STX8: variants seen among roughly 807,000 people sequenced by gnomAD.
STX8 encodes the protein syntaxin 8.
In STX8, 23 loss-of-function variants were observed where a neutral mutation model predicts 37.5. That is an observed-to-expected ratio of 0.61 (90% CI 0.44 to 0.87). The LOEUF (loss-of-function observed/expected upper bound fraction) is 0.87, where lower values mean the gene tolerates loss of function less well. STX8 is among the 40% of genes least tolerant of loss of function. The pLI, the probability that STX8 is intolerant of heterozygous loss-of-function variation, is 0.00. For synonymous variants in STX8, 115 were observed against 99.1 expected (o/e 1.16, Z -0.95); for missense variants, 313 against 284.7 (o/e 1.10, Z -0.71).
intron 6 of STX8, among the ~76,000 whole-genome samples, chr17:9,402,297 T>A (rs1912653192): frequency 6.6e-6 from 1 of 152,094 alleles, no homozygotes; most frequent in Admixed American, 6.5e-5. Context: ...TTTTTTGTAT[T>A]TTTAGTAGAG....
rs35723779 is a variant in STX8, at chr17:9,436,182, C to CA, written c.541+55646dup. On this transcript the variant is annotated intron_variant, in intron 6 of 7. Transcript: ENST00000306357. The stretch of plus-strand genomic sequence containing the variant: ...TGAAACCCCGTCTCTACTAAAAATA[C>CA]AAAAAAAAAAAAAATAGCTGGGAGT... Among the ~76,000 whole-genome samples, 753 of 137,470 alleles carry CA rather than the reference C, an allele frequency of 5.5e-3. 4 individuals are homozygous for CA. Among genetic ancestry groups the CA allele is most frequent in the South Asian group, 9.0e-3 (39 of 4,334 alleles). The allele number at this position is 137,470 out of a possible 152,430, so 90.2% of individuals were successfully genotyped here. A position where few individuals can be genotyped will look rare whatever the true frequency, so the allele number is the denominator to read the frequency against.
intron 7 of STX8, among the ~76,000 whole-genome samples, chr17:9,340,825 T>C (rs1398810223): frequency 1.3e-5 from 2 of 150,384 alleles, no homozygotes; most frequent in Non-Finnish European, 3.0e-5. Flanking sequence ...GCCTGGCTAA[T>C]TTTGTATTTT....
intron 2 of STX8, among the ~76,000 whole-genome samples, chr17:9,561,361 T>C (rs897225326): frequency 6.6e-6 from 1 of 152,074 alleles, no homozygotes; most frequent in Non-Finnish European, 1.5e-5. Flanking sequence ...AAGAAAACTT[T>C]GAAATTAAGA....
chr17:9,567,910 T>A (rs1004886039), intron 2 of STX8, among the ~76,000 whole-genome samples: 3 of 152,146 alleles, frequency 2.0e-5, no homozygotes, highest in African/African-American at 7.2e-5. Flanking sequence ...GGTCTCGAAT[T>A]CTTGACCTCA....
At chr17:9,324,490 C>T (rs1198837980) in intron 7 of STX8, among the ~76,000 whole-genome samples, 2 of 151,904 alleles carry the variant, frequency 1.3e-5, no homozygotes, top group East Asian at 1.9e-4. Flanking sequence ...AGGCCAGGTG[C>T]GGTGGCTCCT....
chr17:9,562,781 C>T (rs1355545748), intron 2 of STX8, among the ~76,000 whole-genome samples: 1 of 152,100 alleles, frequency 6.6e-6, no homozygotes, highest in Non-Finnish European at 1.5e-5. Context: ...TGTGAAGAAA[C>T]AGAAGTGCTC....
intron 7 of STX8, among the ~76,000 whole-genome samples, chr17:9,355,462 A>G (rs1429091202): frequency 6.7e-6 from 1 of 148,866 alleles, no homozygotes; most frequent in Non-Finnish European, 1.5e-5. Flanking sequence ...TGTCTCCTGA[A>G]TAGCTGGGAC....
At chr17:9,321,106 T>C (rs1225801867) in intron 7 of STX8, among the ~76,000 whole-genome samples, 2 of 152,022 alleles carry the variant, frequency 1.3e-5, no homozygotes, top group East Asian at 1.9e-4. Flanking sequence ...GAGCTTTAAG[T>C]GTATTAAAGT....
At chr17:9,462,497 G>C (rs929677016) in intron 6 of STX8, among the ~76,000 whole-genome samples, 15 of 152,162 alleles carry the variant, frequency 9.9e-5, no homozygotes, top group Non-Finnish European at 2.2e-4. Flanking sequence ...CGAGGTGGGA[G>C]GATCACTTGA....
At chr17:9,464,398 T>A (rs1434644606) in intron 6 of STX8, among the ~76,000 whole-genome samples, 1 of 152,232 alleles carries the variant, frequency 6.6e-6, no homozygotes, top group African/African-American at 2.4e-5. Context: ...CTAGGTATAA[T>A]CCTTAAAGTC....
intron 7 of STX8, among the ~76,000 whole-genome samples, chr17:9,312,315 C>A (rs994321398): frequency 6.6e-6 from 1 of 152,168 alleles, no homozygotes. Context: ...GATTCTCCTG[C>A]CTTGGCCTCC....
chr17:9,529,462 T>G (rs1416629652), intron 4 of STX8, among the ~76,000 whole-genome samples: 3 of 152,160 alleles, frequency 2.0e-5, no homozygotes, highest in Non-Finnish European at 4.4e-5. Flanking sequence ...AAATCCCCAG[T>G]GTACAGCTCA....
intron 6 of STX8, among the ~76,000 whole-genome samples, chr17:9,404,782 C>T (rs560218435): frequency 3.3e-5 from 5 of 152,302 alleles, no homozygotes; most frequent in South Asian, 2.1e-4. Flanking sequence ...TCCCTGGAAC[C>T]CTTCTGCCAG....
chr17:9,419,961 A>C (rs1183254913), intron 6 of STX8, among the ~76,000 whole-genome samples: 1 of 152,236 alleles, frequency 6.6e-6, no homozygotes, highest in Non-Finnish European at 1.5e-5. Context: ...TCATTTGACT[A>C]AACTACTGTG....
Position 9,308,114 on chromosome 17 carries a change from G to A in STX8, c.644-57469C>T, listed in dbSNP as rs566260499. Among the ~76,000 whole-genome samples the A allele has an allele frequency of 3.3e-5, 5 of 152,322 alleles. No homozygotes were observed. In the East Asian group the frequency reaches 9.7e-4, roughly 29 times the overall value. On this transcript the variant is annotated intron_variant, in intron 7 of 7. Coordinates refer to ENST00000306357, the MANE Select transcript of STX8 (RefSeq NM_004853.3). Reference sequence around the variant, plus strand: ...GGGAAAATGTCCATTTTTATGCTTAGATTCAATGAAGAGTGGACAGCCATG... The same window carrying A: ...GGGAAAATGTCCATTTTTATGCTTAAATTCAATGAAGAGTGGACAGCCATG...
intron 1 of STX8, among the ~76,000 whole-genome samples, chr17:9,573,051 C>G (rs1353007399): frequency 6.6e-6 from 1 of 150,762 alleles, no homozygotes. Flanking sequence ...TATTGTAAAC[C>G]AAAATAAAAT....
In STX8 at chr17:9,446,798, AGT is replaced by A. The variant is rs1904867016; in HGVS notation, c.541+45029_541+45030del. 2.6e-5 allele frequency among the ~76,000 whole-genome samples: 4 copies of A among 152,310 alleles called. No homozygotes were observed. In the South Asian group the frequency reaches 8.3e-4, roughly 32 times the overall value. ...AGTTTTTTTCCGTTTTCCCACTGAG[AGT>A]GAGACAGAAGATCCGTGATGTTTCA... is the stretch of plus-strand genomic sequence containing the variant. On this transcript the variant is annotated intron_variant, in intron 6 of 7. Transcript: ENST00000306357.
chr17:9,367,737 GT>G (rs1452905235), intron 7 of STX8, among the ~76,000 whole-genome samples: 2 of 152,076 alleles, frequency 1.3e-5, no homozygotes, highest in African/African-American at 4.8e-5. Context: ...AAGGTTTGTT[GT>G]TGTTGTTGTT....
At chr17:9,502,283 G>A (rs189808964) in intron 5 of STX8, among the ~76,000 whole-genome samples, 1 of 152,182 alleles carries the variant, frequency 6.6e-6, no homozygotes, top group Non-Finnish European at 1.5e-5. Context: ...GAGCAGAGGA[G>A]TGGTTACCCA....
Sources: gnomAD v4.1 joint callset for allele counts (sites outside exome capture counted in the v4.1 genomes callset) on GRCh38, gnomAD v4.1.1 for gene constraint, MANE v1.5 for transcripts, NCBI Gene and HGNC (gene_info 2026-07-23, HGNC 2026-07-21) for gene names.